KIF19: variants seen among roughly 807,000 people sequenced by gnomAD.
The protein encoded by KIF19 is kinesin family member 19, also known as kinesin-like protein KIF19.
KIF19 carries 98 observed loss-of-function variants against 106.6 expected under a neutral mutation model. The ratio of observed to expected loss-of-function variants is 0.92; its 90% confidence interval spans 0.78 to 1.09. The LOEUF is 1.09. Among genes scored for constraint, KIF19 ranks in the 50% least tolerant of loss-of-function variants. KIF19 has a pLI of 0.00. For synonymous variants in KIF19, 516 were observed against 584.2 expected (o/e 0.88, Z 1.68); for missense variants, 1,373 against 1,414.3 (o/e 0.97, Z 0.47).
At chr17:74,348,283 T>C (rs2054595349) in intron 9 of KIF19, among the ~76,000 whole-genome samples, 1 of 152,248 alleles carries the variant, frequency 6.6e-6, no homozygotes, top group South Asian at 2.1e-4. Context: ...GCTACCTCCT[T>C]TGATCCTCAA....
chr17:74,333,398 T>G (rs899538160), intron 2 of KIF19, among the ~76,000 whole-genome samples: 2 of 147,520 alleles, frequency 1.4e-5, no homozygotes, highest in African/African-American at 5.2e-5. Flanking sequence ...ACAGTCTGGC[T>G]GTCACCCAGG....
chr17:74,354,350 C>G lies in KIF19; in HGVS notation c.2497C>G (p.Pro833Ala). Residue 833 changes from proline (P) to alanine (A), a missense_variant, in exon 18 of 20, where the codon CCC (proline) becomes GCC (alanine). Pro to Ala is a conservative substitution (Grantham distance 27, BLOSUM62 -1). Around this residue, in one of 3 missense-constraint regions of KIF19, gnomAD observed 1,020 missense variants for 1,008.2 expected, o/e 1.01. Coordinates refer to ENST00000389916, the MANE Select transcript of KIF19 (RefSeq NM_153209.4). ...PPGPLACKRPPSPTLQHAASE... is the reference protein window; with the variant it reads ...PPGPLACKRPASPTLQHAASE... Reference sequence around the variant, plus strand: ...AGGCCCACTGGCCTGCAAGCGGCCGCCCAGCCCCACACTACAGCATGCTGC... The same window carrying G: ...AGGCCCACTGGCCTGCAAGCGGCCGGCCAGCCCCACACTACAGCATGCTGC... 6.2e-7 allele frequency: 1 copy of G among 1,605,814 alleles called. No homozygotes were observed. Among genetic ancestry groups the G allele is most frequent in the Non-Finnish European group, 8.5e-7 (1 of 1,176,786 alleles).
chr17:74,342,272 T>C (rs548213210), intron 3 of KIF19, among the ~76,000 whole-genome samples: 1 of 152,308 alleles, frequency 6.6e-6, no homozygotes, highest in East Asian at 1.9e-4. Flanking sequence ...GGCCATCTGG[T>C]GTGGGGAGGA....
chr17:74,331,594 T>C lies in KIF19; in HGVS notation c.120+3089T>C, dbSNP rs2054083407. 6.6e-6 allele frequency among the ~76,000 whole-genome samples: 1 copy of C among 151,892 alleles called. No homozygotes were observed. Among genetic ancestry groups the C allele is most frequent in the Middle Eastern group, 3.4e-3 (1 of 294 alleles). ...CGGATTTGGATTTTTTTTTTTTTCT[T>C]GTGATGGAGTCTTGCTCTGTCACCT... On this transcript the variant is annotated intron_variant, in intron 2 of 19. Coordinates refer to ENST00000389916, the MANE Select transcript of KIF19 (RefSeq NM_153209.4). This position sits in a 1 kb window ranked among gnomAD's most constrained non-coding sequence, Gnocchi z 4.1.
chr17:74,351,920 G>T lies in KIF19; in HGVS notation c.1641G>T (p.Glu547Asp). 6.9e-7 allele frequency: 1 copy of T among 1,444,234 alleles called. No individual in the cohort carries two copies. Among genetic ancestry groups the T allele is most frequent in the Non-Finnish European group, 9.0e-7 (1 of 1,105,902 alleles). 89.5% of individuals were successfully genotyped at this position (1,444,234 alleles called of 1,614,324 possible). ...TGCGCGCGCGGGGCCGGCGCCTGGA[G>T]GAGACGCTGCCGCGGCGCATCGGCT... ...RELRARGRRL[E>D]ETLPRRIGSE... The change falls in exon 13 of 20, where the codon GAG (glutamate) becomes GAT (aspartate). Residue 547 changes from glutamate to aspartate, a missense_variant. Physicochemically the swap from Glu to Asp is conservative, Grantham distance 45. Transcript: ENST00000389916.
rs1046446529 is a variant in KIF19 at position 74,326,290 on chromosome 17, T to G, written c.-60T>G. Reference sequence around the variant, plus strand: ...GCTGGCGGACGCGACCCGGAGGCGGTGGGGGTGCGGCTGAGCCATGCCCGG... The same window carrying G: ...GCTGGCGGACGCGACCCGGAGGCGGGGGGGGTGCGGCTGAGCCATGCCCGG... On this transcript the variant is annotated 5_prime_UTR_variant, in exon 1 of 20. Coordinates refer to ENST00000389916, the MANE Select transcript of KIF19 (RefSeq NM_153209.4). 1 of 1,528,848 alleles carries G rather than the reference T, an allele frequency of 6.5e-7. No individual in the cohort carries two copies. Among genetic ancestry groups the G allele is most frequent in the Non-Finnish European group, 8.8e-7 (1 of 1,132,602 alleles). 94.7% of individuals were successfully genotyped at this position (1,528,848 alleles called of 1,614,324 possible).
chr17:74,340,283 A>G (rs986648770), intron 2 of KIF19, among the ~76,000 whole-genome samples: 1 of 152,106 alleles, frequency 6.6e-6, no homozygotes, highest in Non-Finnish European at 1.5e-5. Flanking sequence ...GTCTCCCGTC[A>G]TTTCCATGAA....
intron 14 of KIF19, 99 bp downstream of exon 14, chr17:74,352,439 AG>A: frequency 7.0e-7 from 1 of 1,425,240 alleles, no homozygotes; most frequent in Non-Finnish European, 9.3e-7. Context: ...GGACAGGACC[AG>A]GCTGGCTGGC....
rs1260946501 is a variant in KIF19, at chr17:74,347,989, C to G, written c.1047+90C>G. ...GATCCCTGCCACCCCACTGCACTCTCTGGAACCAGCCACTGCTGCACTGGC... is the reference window on the plus strand; with the variant it reads ...GATCCCTGCCACCCCACTGCACTCTGTGGAACCAGCCACTGCTGCACTGGC... On this transcript the variant is annotated intron_variant, in intron 9 of 19. Coordinates refer to ENST00000389916, the MANE Select transcript of KIF19 (RefSeq NM_153209.4). The G allele has an allele frequency of 9.1e-6, 13 of 1,434,668 alleles. No individual in the cohort carries two copies. The African/African-American group carries it at 1.7e-4, about 19-fold the overall frequency. The allele number at this position is 1,434,668 out of a possible 1,614,324, so 88.9% of individuals were successfully genotyped here. A position where few individuals can be genotyped will look rare whatever the true frequency, so the allele number is the denominator to read the frequency against.
rs560754048 is a variant in KIF19 at position 74,338,901 on chromosome 17, C to T, written c.121-2975C>T. Among the ~76,000 whole-genome samples the T allele has an allele frequency of 4.4e-4, 67 of 152,010 alleles. 1 individual carries two copies. Among genetic ancestry groups the T allele is most frequent in the Non-Finnish European group, 8.0e-4 (54 of 67,898 alleles). Reference sequence around the variant, plus strand: ...GCCTCTCCTCACCCCAGAGCGGCCACCCCTCATGCCTTGTCTGTTCCCAAG... The same window carrying T: ...GCCTCTCCTCACCCCAGAGCGGCCATCCCTCATGCCTTGTCTGTTCCCAAG... On this transcript the variant is annotated intron_variant, in intron 2 of 19. Coordinates refer to ENST00000389916, the MANE Select transcript of KIF19 (RefSeq NM_153209.4).
At chr17:74,338,117 G>A (rs2054266845) in intron 2 of KIF19, among the ~76,000 whole-genome samples, 1 of 152,258 alleles carries the variant, frequency 6.6e-6, no homozygotes, top group Admixed American at 6.5e-5. Context: ...GGGCATTGGT[G>A]CATGCCACTC....
chr17:74,330,065 C>A (rs999875655), intron 2 of KIF19, among the ~76,000 whole-genome samples: 1 of 152,234 alleles, frequency 6.6e-6, no homozygotes, highest in African/African-American at 2.4e-5. Context: ...CACAGTAGAG[C>A]CATGGGTAGC....
At position 74,352,882 on chromosome 17, in the gene KIF19, A is replaced by C; in HGVS notation, c.2042A>C (p.Glu681Ala). ...GTSLTPDSDL[E>A]SVKTLSSDAQ... ...TCACTGACCCCAGATTCTGACCTGGAGAGTGTGAAGACATTGAGCTCTGAT... is the reference window on the plus strand; with the variant it reads ...TCACTGACCCCAGATTCTGACCTGGCGAGTGTGAAGACATTGAGCTCTGAT... The change falls in exon 15 of 20, where the codon GAG becomes GCG. Residue 681 changes from glutamate (E) to alanine (A), a missense_variant. By Grantham distance (107) the Glu-to-Ala change is moderately radical. Around this residue, in one of 3 missense-constraint regions of KIF19, gnomAD observed 1,020 missense variants for 1,008.2 expected, o/e 1.01. Transcript: ENST00000389916. The C allele has an allele frequency of 6.2e-7, 1 of 1,613,948 alleles. No homozygotes were observed. The highest frequency in any genetic ancestry group is 8.5e-7 in the Non-Finnish European group (1 of 1,179,866).
chr17:74,326,742 G>A (rs8082699), intron 1 of KIF19, among the ~76,000 whole-genome samples: 131,143 of 152,090 alleles, frequency 0.86, 56,961 homozygotes, highest in East Asian at 0.97. Context: ...CCCAGAAGGA[G>A]GGTGGCGGTT....
Position 74,332,210 on chromosome 17 carries a change from T to TGTG in KIF19, c.120+3705_120+3706insGTG, listed in dbSNP as rs1567897631. Among the ~76,000 whole-genome samples the TGTG allele has an allele frequency of 2.9e-3, 318 of 108,790 alleles. 1 individual carries two copies. Among genetic ancestry groups the TGTG allele is most frequent in the African/African-American group, 3.4e-3 (94 of 27,852 alleles). The allele number at this position is 108,790 out of a possible 152,430, so 71.4% of individuals were successfully genotyped here. On this transcript the variant is annotated intron_variant, in intron 2 of 19. Coordinates refer to ENST00000389916, the MANE Select transcript of KIF19 (RefSeq NM_153209.4). ...TGTGTGTGTGTGTGTGTGTGTGTGT[T>TGTG]TGTGTGTGTGTGTGTGTGTGTGTGT...
intron 1 of KIF19, among the ~76,000 whole-genome samples, chr17:74,326,951 C>T (rs2053930350): frequency 6.6e-6 from 1 of 152,198 alleles, no homozygotes; most frequent in African/African-American, 2.4e-5. Flanking sequence ...ACCATGGCCC[C>T]ACAGAGCCCT....
At chr17:74,328,124 T>G (rs1363654768) in intron 1 of KIF19, among the ~76,000 whole-genome samples, 1 of 152,072 alleles carries the variant, frequency 6.6e-6, no homozygotes, top group Non-Finnish European at 1.5e-5. Context: ...GGCCCCAAGT[T>G]CAAGCCCAGG....
Position 74,350,799 on chromosome 17 carries a change from A to T in KIF19, c.1481A>T (p.Asp494Val). 6.2e-7 allele frequency: 1 copy of T among 1,614,030 alleles called. No individual in the cohort carries two copies. The highest frequency in any genetic ancestry group is 8.5e-7 in the Non-Finnish European group (1 of 1,179,876). The change falls in exon 12 of 20, where the codon GAC becomes GTC. Residue 494 changes from aspartate (D) to valine (V), a missense_variant. Coordinates refer to ENST00000389916, the MANE Select transcript of KIF19 (RefSeq NM_153209.4). ...YAKDDSEKDS[D>V]TGDDQPDILE... ...AAGGACGACAGCGAGAAGGACTCAG[A>T]CACAGGTGATGACCAACCAGACATC...
rs1021879169 is a variant in KIF19 at position 74,328,624 on chromosome 17, GA to G, written c.120+121del. ...CAGCACCCTCCTTCCTCTACTCACTGAACTCTTGGCTGTGCTGTTGATGACA... is the reference window on the plus strand; with the variant it reads ...CAGCACCCTCCTTCCTCTACTCACTGACTCTTGGCTGTGCTGTTGATGACA... On this transcript the variant is annotated intron_variant, in intron 2 of 19. Transcript: ENST00000389916. The G allele has an allele frequency of 1.2e-4, 91 of 771,200 alleles. 1 individual carries two copies. In the African/African-American group the frequency reaches 1.5e-3, roughly 13 times the overall value. The allele number at this position is 771,200 out of a possible 1,614,324, so 47.8% of individuals were successfully genotyped here. A position where few individuals can be genotyped will look rare whatever the true frequency, so the allele number is the denominator to read the frequency against.
Sources: allele counts gnomAD v4.1 joint callset (sites outside exome capture counted in the v4.1 genomes callset), GRCh38; gene constraint gnomAD v4.1.1; regional missense constraint gnomAD v4.1.1; non-coding constraint Gnocchi (gnomAD v3.1); transcripts MANE v1.5; gene names NCBI Gene and HGNC (gene_info 2026-07-23, HGNC 2026-07-21).